Variants in KHDRBS2 observed in about 807,000 individuals in gnomAD.
The protein encoded by KHDRBS2 is KH RNA binding domain containing, signal transduction associated 2.
A neutral mutation model predicts 44.3 loss-of-function variants in KHDRBS2; 26 were observed. The observed-to-expected ratio is 0.59, with a 90% CI of 0.43 to 0.81. The LOEUF is 0.81. Among genes scored for constraint, KHDRBS2 ranks in the 40% least tolerant of loss-of-function variants. The pLI is 0.00. For missense variants in KHDRBS2, 476 were observed against 433.1 expected (o/e 1.10, Z -0.88); for synonymous variants, 194 against 151.1 (o/e 1.28, Z -2.08).
intron 6 of KHDRBS2, among the ~76,000 whole-genome samples, chr6:61,878,970 T>C (rs1252838967): frequency 1.3e-5 from 2 of 151,996 alleles, no homozygotes; most frequent in Admixed American, 1.3e-4. Context: ...ATTATAATTT[T>C]CATTATTCCC....
the KHDRBS2 span, among the ~76,000 whole-genome samples, chr6:61,555,399 T>G: frequency 6.6e-6 from 1 of 152,200 alleles, no homozygotes; most frequent in Non-Finnish European, 1.5e-5. Flanking sequence ...TCATCTTTCA[T>G]CTTCTGTATC....
At position 61,680,459 on chromosome 6, in the gene KHDRBS2, A is replaced by G. The variant is rs1225325226; in HGVS notation, c.*504T>C. The G allele has an allele frequency of 6.6e-6, 1 of 152,280 alleles. No homozygotes were observed. The highest frequency in any genetic ancestry group is 2.1e-4 in the South Asian group (1 of 4,828). The allele number at this position is 152,280 out of a possible 1,614,324, so 9.4% of individuals were successfully genotyped here. ...AAACAGCATTAAAATTAAATTTACA[A>G]ACTTAATATCAAACATCTTTGTCTA... On this transcript the variant is annotated 3_prime_UTR_variant, in exon 9 of 9. Coordinates refer to ENST00000281156, the MANE Select transcript of KHDRBS2 (RefSeq NM_152688.4).
chr6:61,911,469 G>C (rs1189846495), intron 4 of KHDRBS2, among the ~76,000 whole-genome samples: 1 of 152,162 alleles, frequency 6.6e-6, no homozygotes, highest in Non-Finnish European at 1.5e-5. Context: ...CAATAAAATA[G>C]TACGCAAGGA....
At chr6:62,222,246 G>T (rs1831023016) in intron 1 of KHDRBS2, among the ~76,000 whole-genome samples, 1 of 150,062 alleles carries the variant, frequency 6.7e-6, no homozygotes, top group Non-Finnish European at 1.5e-5. Context: ...CAGAGAGAAT[G>T]AGAGAGAGAG....
rs1781302904 is a variant in KHDRBS2 at position 61,773,251 on chromosome 6, C to A, written c.811-40487G>T. On this transcript the variant is annotated intron_variant, in intron 6 of 8. Coordinates refer to ENST00000281156, the MANE Select transcript of KHDRBS2 (RefSeq NM_152688.4). ...ACAATGGTTGAAGTAGTTTACAGTC[C>A]CACCAACAGTGTAAAAGTGTTCCTA... Among the ~76,000 whole-genome samples, 4 of 152,226 alleles carry A rather than the reference C, an allele frequency of 2.6e-5. No individual in the cohort carries two copies. The South Asian group carries it at 8.3e-4, about 32-fold the overall frequency.
chr6:61,659,195 T>C, the KHDRBS2 span: 1 of 151,850 alleles, frequency 6.6e-6, no homozygotes. Context: ...TACAAAAATA[T>C]ATAAAGTGCA....
chr6:61,757,355 A>G lies in KHDRBS2; in HGVS notation c.811-24591T>C, dbSNP rs187130248. Among the ~76,000 whole-genome samples the G allele has an allele frequency of 2.2e-3, 341 of 152,184 alleles. 2 individuals are homozygous for G. Among genetic ancestry groups the G allele is most frequent in the African/African-American group, 8.0e-3 (332 of 41,542 alleles). ...TAAAGATTTTACCTTCTCCCCAGTAATGTGTAGGGGTTCCAGTTTTGTCAC... is the reference window on the plus strand; with the variant it reads ...TAAAGATTTTACCTTCTCCCCAGTAGTGTGTAGGGGTTCCAGTTTTGTCAC... On this transcript the variant is annotated intron_variant, in intron 6 of 8. Transcript: ENST00000281156.
chr6:62,010,165 A>C (rs1175150798), intron 3 of KHDRBS2, among the ~76,000 whole-genome samples: 1 of 152,178 alleles, frequency 6.6e-6, no homozygotes, highest in Admixed American at 6.5e-5. Context: ...TATCTCTTGC[A>C]ACAGCGTGAC....
chr6:61,863,258 G>GTT (rs1294430699), intron 6 of KHDRBS2, among the ~76,000 whole-genome samples: 4 of 130,370 alleles, frequency 3.1e-5, no homozygotes, highest in South Asian at 2.4e-4. Flanking sequence ...CTTTTGAAGG[G>GTT]GTTTTTTTTT....
At position 61,777,403 on chromosome 6, in the gene KHDRBS2, G is replaced by T. The variant is rs1195616620; in HGVS notation, c.811-44639C>A. 7.9e-5 allele frequency among the ~76,000 whole-genome samples: 12 copies of T among 152,272 alleles called. No homozygotes were observed. In the East Asian group the frequency reaches 2.1e-3, roughly 27 times the overall value. ...AAAACAGTGCAGTTTGCCATGCTGTGTTGTCAACTCATTGATGAAGACTCA... is the reference window on the plus strand; with the variant it reads ...AAAACAGTGCAGTTTGCCATGCTGTTTTGTCAACTCATTGATGAAGACTCA... On this transcript the variant is annotated intron_variant, in intron 6 of 8. Transcript: ENST00000281156.
chr6:61,822,876 C>T (rs1464109951), intron 6 of KHDRBS2, among the ~76,000 whole-genome samples: 1 of 152,018 alleles, frequency 6.6e-6, no homozygotes, highest in African/African-American at 2.4e-5. Context: ...CATGATAAGT[C>T]ATATTATTTC....
the KHDRBS2 span, among the ~76,000 whole-genome samples, chr6:61,615,216 GAGCAAGACTCCATCT>G: frequency 1.1e-5 from 1 of 91,778 alleles, no homozygotes; most frequent in Non-Finnish European, 2.0e-5. Flanking sequence ...CTGGGTGACA[GAGCAAGACTCCATCT>G]CCAAAAAAAA....
At chr6:61,618,578 C>T in the KHDRBS2 span, among the ~76,000 whole-genome samples, 1 of 152,096 alleles carries the variant, frequency 6.6e-6, no homozygotes, top group Non-Finnish European at 1.5e-5. Flanking sequence ...CCAGGTATTA[C>T]ACCTTGTACC....
chr6:61,799,400 T>A (rs1444909923), intron 6 of KHDRBS2, among the ~76,000 whole-genome samples: 1 of 151,986 alleles, frequency 6.6e-6, no homozygotes, highest in Non-Finnish European at 1.5e-5. Context: ...TTTTACATAG[T>A]TCATGATTTT....
intron 6 of KHDRBS2, among the ~76,000 whole-genome samples, chr6:61,775,375 T>C (rs1781775648): frequency 2.0e-5 from 3 of 152,116 alleles, no homozygotes; most frequent in Admixed American, 2.0e-4. Flanking sequence ...ATGAGATGAT[T>C]GTACATCTAG....
At chr6:61,965,507 G>A (rs80236059) in intron 4 of KHDRBS2, among the ~76,000 whole-genome samples, 1,567 of 152,116 alleles carry the variant, frequency 0.01, 9 homozygotes, top group Middle Eastern at 0.02. Context: ...CATGATCAGT[G>A]GAGGCAAATG....
rs368176936 is a variant in KHDRBS2, at chr6:62,247,002, C to G, written c.91+38856G>C. On this transcript the variant is annotated intron_variant, in intron 1 of 8. Transcript: ENST00000281156. ...CAACAATTCATTATCAAGATCAAGG[C>G]TATTTGTTCAATTTCCAAACATATT... Among the ~76,000 whole-genome samples, 34 of 152,074 alleles carry G rather than the reference C, an allele frequency of 2.2e-4. No homozygotes were observed. The East Asian group carries it at 6.0e-3, about 27-fold the overall frequency.
chr6:61,960,476 C>G (rs1472696877), intron 4 of KHDRBS2, among the ~76,000 whole-genome samples: 1 of 151,964 alleles, frequency 6.6e-6, no homozygotes, highest in East Asian at 1.9e-4. Context: ...TATTAACTAT[C>G]ACAATTATGT....
intron 4 of KHDRBS2, among the ~76,000 whole-genome samples, chr6:61,966,263 C>T (rs1301529782): frequency 6.6e-6 from 1 of 151,982 alleles, no homozygotes; most frequent in Non-Finnish European, 1.5e-5. Flanking sequence ...ATGTACTTTT[C>T]TATTACAACT....
Sources: allele counts gnomAD v4.1 joint callset (sites outside exome capture counted in the v4.1 genomes callset), GRCh38; gene constraint gnomAD v4.1.1; transcripts MANE v1.5; gene names NCBI Gene and HGNC (gene_info 2026-07-23, HGNC 2026-07-21).